The following MTA1 variants were observed in gnomAD, a reference collection of about 807,000 sequenced individuals.
MTA1 encodes the protein metastasis associated 1, also known as metastasis-associated protein MTA1.
Under a neutral mutation model 97.0 loss-of-function variants are expected in MTA1, and 15 were observed. The observed-to-expected ratio is 0.15, with a 90% CI of 0.10 to 0.24. The LOEUF is 0.24. Ranked by LOEUF, MTA1 falls within the 10% of genes least tolerant of loss-of-function variation. The pLI is 1.00. For synonymous variants in MTA1, 435 were observed against 417.5 expected (o/e 1.04, Z -0.51); for missense variants, 709 against 1,015.1 (o/e 0.70, Z 4.10).
At position 105,450,267 on chromosome 14, in the gene MTA1, G is replaced by A. The variant is rs2141578996; in HGVS notation, c.375G>A (p.Lys125=). 1 of 1,609,484 alleles carries A rather than the reference G, an allele frequency of 6.2e-7. No individual in the cohort carries two copies. The highest frequency in any genetic ancestry group is 8.5e-7 in the Non-Finnish European group (1 of 1,176,916). ...ESLPATHIRG[K]CSVTLLNETE... ...GCCCGTCCTTCTCTTCCAGGGGCAA[G>A]TGCAGCGTCACCCTGCTCAACGAGA... Residue 125 remains lysine, a synonymous_variant, in exon 6 of 21, where the codon AAG becomes AAA. Coordinates refer to ENST00000331320, the MANE Select transcript of MTA1 (RefSeq NM_004689.4).
At chr14:105,444,200 A>C (rs907489263) in intron 2 of MTA1, among the ~76,000 whole-genome samples, 2 of 151,802 alleles carry the variant, frequency 1.3e-5, no homozygotes, top group Non-Finnish European at 2.9e-5. Flanking sequence ...GGTGAAACCC[A>C]GTCTCTACTA....
Position 105,463,832 on chromosome 14 carries a change from C to CG in MTA1, c.1077-195dup. The CG allele has an allele frequency of 3.1e-6, 2 of 652,188 alleles. No homozygotes were observed. The highest frequency in any genetic ancestry group is 1.8e-5 in the South Asian group (1 of 54,140). The allele number at this position is 652,188 out of a possible 1,614,324, so 40.4% of individuals were successfully genotyped here. ...GCTGGGCTCCATGCTAGGGGGAGCACGGGGGCCTGGAGAACGGCTCAGACC... is the reference window on the plus strand; with the variant it reads ...GCTGGGCTCCATGCTAGGGGGAGCACGGGGGGCCTGGAGAACGGCTCAGACC... On this transcript the variant is annotated intron_variant, in intron 12 of 20. Coordinates refer to ENST00000331320, the MANE Select transcript of MTA1 (RefSeq NM_004689.4). This position sits in a 1 kb window ranked among gnomAD's most constrained non-coding sequence, Gnocchi z 5.9.
chr14:105,458,826 G>A (rs1191714548), intron 8 of MTA1, among the ~76,000 whole-genome samples: 1 of 152,232 alleles, frequency 6.6e-6, no homozygotes, highest in African/African-American at 2.4e-5. Flanking sequence ...GAAGCCCCAA[G>A]GCGGCTGCCA....
chr14:105,427,341 T>C (rs1229843886), intron 1 of MTA1, among the ~76,000 whole-genome samples: 24 of 152,182 alleles, frequency 1.6e-4, no homozygotes, highest in Admixed American at 1.5e-3. Flanking sequence ...CTGAGGGCCA[T>C]GCTTCTTGCA....
rs2083788341 is a variant in MTA1 at position 105,470,303 on chromosome 14, G to A, written c.*88G>A. 8.4e-6 allele frequency: 10 copies of A among 1,189,330 alleles called. No individual in the cohort carries two copies. The highest frequency in any genetic ancestry group is 9.9e-6 in the Non-Finnish European group (9 of 910,230). 73.7% of individuals were successfully genotyped at this position (1,189,330 alleles called of 1,614,324 possible). On this transcript the variant is annotated 3_prime_UTR_variant, in exon 21 of 21. Transcript: ENST00000331320. Reference sequence around the variant, plus strand: ...AGCCCGCCGCCCGCCCCTCAGTTTGGTAGTGCCCCACCTCCCGCCCTCACC... The same window carrying A: ...AGCCCGCCGCCCGCCCCTCAGTTTGATAGTGCCCCACCTCCCGCCCTCACC...
chr14:105,439,467 C>T (rs2082435194), intron 2 of MTA1, among the ~76,000 whole-genome samples: 1 of 152,342 alleles, frequency 6.6e-6, no homozygotes, highest in South Asian at 2.1e-4. Context: ...TCGGCACAGC[C>T]TCCGTCCCAT....
intron 10 of MTA1, among the ~76,000 whole-genome samples, chr14:105,461,632 G>A (rs1183422000): frequency 6.6e-6 from 1 of 152,220 alleles, no homozygotes; most frequent in African/African-American, 2.4e-5. Flanking sequence ...AGCACCATCC[G>A]GGCAGCAGCG....
intron 9 of MTA1, 126 bp from the exon 10 acceptor site, chr14:105,460,639 T>G (rs2083313817): frequency 1.6e-6 from 2 of 1,248,056 alleles, no homozygotes; most frequent in East Asian, 2.5e-5. Flanking sequence ...GTGCTGAGGG[T>G]GCAGGGAGGG....
intron 2 of MTA1, 44 bp downstream of exon 2, chr14:105,438,783 G>A (rs1555425005): frequency 3.1e-6 from 5 of 1,600,704 alleles, no homozygotes; most frequent in Non-Finnish European, 4.3e-6. Flanking sequence ...TAGTGGGTGG[G>A]GGCTACGCCA....
At chr14:105,442,026 C>T (rs1294871744) in intron 2 of MTA1, among the ~76,000 whole-genome samples, 1 of 152,116 alleles carries the variant, frequency 6.6e-6, no homozygotes, top group African/African-American at 2.4e-5. Flanking sequence ...GGGGCAAAAA[C>T]ACAAAGAAAC....
At chr14:105,423,511 G>A (rs1461653434) in intron 1 of MTA1, among the ~76,000 whole-genome samples, 1 of 152,068 alleles carries the variant, frequency 6.6e-6, no homozygotes, top group African/African-American at 2.4e-5. Context: ...GCTCATGCCC[G>A]GCCTTTTTGT....
At chr14:105,437,295 GTCCTC>G (rs2082357862) in intron 1 of MTA1, among the ~76,000 whole-genome samples, 1 of 150,680 alleles carries the variant, frequency 6.6e-6, no homozygotes, top group Admixed American at 6.6e-5. Context: ...CTGCAGGTGC[GTCCTC>G]ATGGGCGTGT....
In MTA1 at chr14:105,464,519, G is replaced by A; in HGVS notation, c.1296G>A (p.Met432Ile). Residue 432 changes from methionine to isoleucine, a missense_variant, in exon 14 of 21, where the codon ATG becomes ATA. This residue lies in a region of MTA1 where 321 missense variants were observed against 593.5 expected (regional missense o/e 0.54). Transcript: ENST00000331320. ...GGAAGAAATATGGTGGCTTGAAAAT[G>A]CCAACCCGGTTAGATGGAGAGAGGC... ...TYWKKYGGLK[M>I]PTRLDGERPG... 4 of 1,613,302 alleles carry A rather than the reference G, an allele frequency of 2.5e-6. No homozygotes were observed. The highest frequency in any genetic ancestry group is 2.2e-5 in the East Asian group (1 of 44,884).
intron 4 of MTA1, among the ~76,000 whole-genome samples, chr14:105,449,708 C>T (rs1567024732): frequency 6.6e-6 from 1 of 152,132 alleles, no homozygotes; most frequent in East Asian, 1.9e-4. Context: ...GGCCTGGGCT[C>T]TTGGCAGCCG....
intron 1 of MTA1, among the ~76,000 whole-genome samples, chr14:105,434,369 TTAA>T (rs2082268044): frequency 6.6e-6 from 1 of 152,236 alleles, no homozygotes; most frequent in South Asian, 2.1e-4. Context: ...CTTTTGATCT[TTAA>T]ACATCTATAG....
chr14:105,466,699 G>A lies in MTA1; in HGVS notation c.1778-8G>A, dbSNP rs782123151. The A allele has an allele frequency of 1.2e-5, 19 of 1,604,118 alleles. No individual in the cohort carries two copies. Among genetic ancestry groups the A allele is most frequent in the East Asian group, 2.2e-5 (1 of 44,606 alleles). On this transcript the variant is annotated splice_polypyrimidine_tract_variant and splice_region_variant and intron_variant, in intron 17 of 20. Coordinates refer to ENST00000331320, the MANE Select transcript of MTA1 (RefSeq NM_004689.4). Reference sequence around the variant, plus strand: ...TTCTCTCCCTCTCTCCCACCCCGGCGCTGCCAGGCAACATGAAGAAGCGCC... The same window carrying A: ...TTCTCTCCCTCTCTCCCACCCCGGCACTGCCAGGCAACATGAAGAAGCGCC...
In MTA1 at chr14:105,424,742, C is replaced by T. The variant is rs1046664382; in HGVS notation, c.28+4679C>T. ...AACTCCTGACCTCAAGTGATCCACC[C>T]GCCTCGGCCTCCCAAAGTGCTGGGA... On this transcript the variant is annotated intron_variant, in intron 1 of 20. Transcript: ENST00000331320. The surrounding 1 kb of genome is among the most constrained non-coding windows in gnomAD (Gnocchi z 4.0). 1.1e-4 allele frequency among the ~76,000 whole-genome samples: 17 copies of T among 152,010 alleles called. No individual in the cohort carries two copies. The highest frequency in any genetic ancestry group is 2.4e-4 in the Non-Finnish European group (16 of 67,980).
In MTA1 at chr14:105,464,122, T is replaced by C. The variant is rs1555431800; in HGVS notation, c.1167T>C (p.Ala389=). Residue 389 remains alanine (A), a synonymous_variant, in exon 13 of 21, where the codon GCT becomes GCC. Transcript: ENST00000331320. ...GGGCGCCGGGCCAGAGCCCTGGGGC[T>C]GGCCGGGCCTGCGAGAGCTGTTACA... ...GTGAPGQSPG[A]GRACESCYTT... 25 of 1,610,804 alleles carry C rather than the reference T, an allele frequency of 1.6e-5. No homozygotes were observed. Among genetic ancestry groups the C allele is most frequent in the Non-Finnish European group, 2.0e-5 (24 of 1,179,324 alleles).
Position 105,470,486 on chromosome 14 carries a change from G to T in MTA1, c.*271G>T, listed in dbSNP as rs1169778401. The T allele has an allele frequency of 2.5e-6, 1 of 402,348 alleles. No homozygotes were observed. Among genetic ancestry groups the T allele is most frequent in the Non-Finnish European group, 4.4e-6 (1 of 228,320 alleles). The allele number at this position is 402,348 out of a possible 1,614,324, so 24.9% of individuals were successfully genotyped here. On this transcript the variant is annotated 3_prime_UTR_variant, in exon 21 of 21. Transcript: ENST00000331320. Reference sequence around the variant, plus strand: ...CCACCCCGTGCCCCTGTGCTGCGGGGCCTTTTGCCCGGAGGCCGGGCCCTA... The same window carrying T: ...CCACCCCGTGCCCCTGTGCTGCGGGTCCTTTTGCCCGGAGGCCGGGCCCTA...
Sources: allele counts gnomAD v4.1 joint callset (sites outside exome capture counted in the v4.1 genomes callset), GRCh38; gene constraint gnomAD v4.1.1; regional missense constraint gnomAD v4.1.1; non-coding constraint Gnocchi (gnomAD v3.1); transcripts MANE v1.5; gene names NCBI Gene and HGNC (gene_info 2026-07-23, HGNC 2026-07-21).